MCM9: variants seen among roughly 807,000 people sequenced by gnomAD.
The protein encoded by MCM9 is DNA helicase MCM9.
Under a neutral mutation model 72.8 loss-of-function variants are expected in MCM9, and 55 were observed. The ratio of observed to expected loss-of-function variants is 0.76; its 90% CI spans 0.61 to 0.95. The LOEUF is 0.95. Ranked by LOEUF, MCM9 falls within the 40% of genes least tolerant of loss-of-function variation. The pLI is 0.00. For synonymous variants in MCM9, 480 were observed against 503.4 expected, an observed-to-expected ratio of 0.95 and a Z score of 0.62; for missense variants, 1,279 against 1,377.0, an observed-to-expected ratio of 0.93 and a Z score of 1.13.
intron 13 of MCM9, among the ~76,000 whole-genome samples, chr6:118,819,287 A>G (rs1478985636): frequency 2.0e-5 from 3 of 152,162 alleles, no homozygotes; most frequent in Non-Finnish European, 4.4e-5. Context: ...ATTTTGAGAT[A>G]CTTTCCATCA....
intron 8 of MCM9, chr6:118,910,983 C>G: frequency 1.0e-6 from 1 of 985,276 alleles, no homozygotes; most frequent in Non-Finnish European, 1.2e-6. Context: ...GGTCTGTTTT[C>G]AGAAGAACAG....
In MCM9 at chr6:118,814,725, T is replaced by C. The variant is rs945465917; in HGVS notation, c.*99A>G. The stretch of plus-strand genomic sequence containing the variant: ...CCAGTATTCAGAGTGATCCTCAATA[T>C]GGCCAATTGTTCTATACATTTATAA... On this transcript the variant is annotated 3_prime_UTR_variant, in exon 14 of 14. Transcript: ENST00000619706. The C allele has an allele frequency of 1.7e-5, 20 of 1,179,990 alleles. No homozygotes were observed. The highest frequency in any genetic ancestry group is 2.0e-5 in the Non-Finnish European group (17 of 866,032). 73.1% of individuals were successfully genotyped at this position (1,179,990 alleles called of 1,614,324 possible). A position where few individuals can be genotyped will look rare whatever the true frequency, so the allele number is the denominator to read the frequency against.
intron 5 of MCM9, chr6:118,920,110 AT>A (rs1781313621): frequency 6.6e-6 from 1 of 152,232 alleles, no homozygotes; most frequent in African/African-American, 2.4e-5. Flanking sequence ...AAAAGATCTT[AT>A]TCTCAATTGA....
intron 8 of MCM9, among the ~76,000 whole-genome samples, chr6:118,874,160 T>G (rs568332075): frequency 9.2e-5 from 14 of 152,036 alleles, no homozygotes; most frequent in African/African-American, 2.9e-4. Flanking sequence ...GAGGCTGAGG[T>G]GGGAGGATCA....
intron 9 of MCM9, among the ~76,000 whole-genome samples, chr6:118,852,131 T>C (rs770019937): frequency 2.0e-5 from 3 of 152,150 alleles, no homozygotes; most frequent in Non-Finnish European, 4.4e-5. Flanking sequence ...CTGAATACCA[T>C]AGGCAACTGT....
At chr6:118,928,682 C>CA (rs541206060) in intron 3 of MCM9, among the ~76,000 whole-genome samples, 2,439 of 101,314 alleles carry the variant, frequency 0.024, 28 homozygotes, top group Middle Eastern at 0.094. Flanking sequence ...CCCACCTCTA[C>CA]AAAAAAAAAA....
chr6:118,868,008 T>A (rs1004679191), intron 8 of MCM9, among the ~76,000 whole-genome samples: 33 of 151,460 alleles, frequency 2.2e-4, no homozygotes, highest in Admixed American at 2.6e-4. Flanking sequence ...TCCAGAGTAG[T>A]TGGGACTACA....
At chr6:118,894,908 G>A (rs1337211544) in intron 8 of MCM9, among the ~76,000 whole-genome samples, 1 of 152,116 alleles carries the variant, frequency 6.6e-6, no homozygotes. Flanking sequence ...GCTGGGAAGG[G>A]AGAGGCTGTG....
chr6:118,846,416 T>A (rs1562408424), intron 9 of MCM9, among the ~76,000 whole-genome samples: 2 of 151,836 alleles, frequency 1.3e-5, no homozygotes, highest in Non-Finnish European at 2.9e-5. Flanking sequence ...GGGGGCCTCA[T>A]GCTGGAGAAC....
At position 118,923,891 on chromosome 6, in the gene MCM9, A is replaced by C. The variant is rs1387883580; in HGVS notation, c.541T>G (p.Ser181Ala). The C allele has an allele frequency of 1.2e-6, 2 of 1,614,238 alleles. No homozygotes were observed. The highest frequency in any genetic ancestry group is 8.5e-7 in the Non-Finnish European group (1 of 1,180,032). ...AAGCCTGAGAGGCAAGTGAATTTAG[A>C]GGAATCACAGCTCTCCAAGCTGGGA... ...SCPSLESCDS[S>A]KFTCLSGLSS... Residue 181 changes from serine to alanine, a missense_variant, in exon 4 of 14, where the codon TCT becomes GCT. Ser to Ala is a moderately conservative substitution (Grantham distance 99). Coordinates refer to ENST00000619706, the MANE Select transcript of MCM9 (RefSeq NM_017696.3).
chr6:118,882,798 C>T (rs1778373647), intron 8 of MCM9, among the ~76,000 whole-genome samples: 1 of 151,860 alleles, frequency 6.6e-6, no homozygotes, highest in Non-Finnish European at 1.5e-5. Context: ...AAGAAATGAA[C>T]CTAGCCAAGT....
rs146666812 is a variant in MCM9, at chr6:118,818,196, C to G, written c.1962-1902G>C. On this transcript the variant is annotated intron_variant, in intron 13 of 13. Transcript: ENST00000619706. Reference sequence around the variant, plus strand: ...GCTTTTGGTATTTTAGTCATGAAGTCTTTGCCCATGCCTATGTCCTGAATG... The same window carrying G: ...GCTTTTGGTATTTTAGTCATGAAGTGTTTGCCCATGCCTATGTCCTGAATG... Among the ~76,000 whole-genome samples, 1,273 of 152,260 alleles carry G rather than the reference C, an allele frequency of 8.4e-3. 7 individuals carry two copies. Among genetic ancestry groups the G allele is most frequent in the Non-Finnish European group, 0.014 (947 of 68,016 alleles).
intron 9 of MCM9, among the ~76,000 whole-genome samples, chr6:118,855,974 A>T (rs867875593): frequency 6.6e-6 from 1 of 152,192 alleles, no homozygotes; most frequent in Admixed American, 6.5e-5. Flanking sequence ...GAGGATTTAT[A>T]AGGAGAATGC....
chr6:118,910,393 T>C (rs1461756376), intron 8 of MCM9, among the ~76,000 whole-genome samples: 2 of 152,168 alleles, frequency 1.3e-5, no homozygotes, highest in East Asian at 3.9e-4. Flanking sequence ...CCTATACTTG[T>C]TCTCTCATAT....
chr6:118,855,095 A>G (rs1235588314), intron 9 of MCM9, among the ~76,000 whole-genome samples: 1 of 152,152 alleles, frequency 6.6e-6, no homozygotes, highest in African/African-American at 2.4e-5. Context: ...TTTTGGTGCA[A>G]TAACTGAACA....
intron 13 of MCM9, among the ~76,000 whole-genome samples, chr6:118,821,916 G>T (rs1172224663): frequency 6.6e-6 from 1 of 152,036 alleles, no homozygotes; most frequent in East Asian, 1.9e-4. Flanking sequence ...TGATTGATTT[G>T]AGTACTGATA....
At chr6:118,932,531 T>C in intron 2 of MCM9, 76 bp downstream of exon 2, 1 of 846,646 alleles carries the variant, frequency 1.2e-6, no homozygotes, top group South Asian at 5.4e-5. Context: ...ACAGTGTCAT[T>C]CTTTCGTGTG....
intron 9 of MCM9, among the ~76,000 whole-genome samples, chr6:118,852,406 CAA>C (rs551904532): frequency 7.2e-6 from 1 of 138,604 alleles, no homozygotes. Context: ...TTCCAACAGA[CAA>C]AAAAAAAAAA....
intron 10 of MCM9, 68 bp from the exon 11 acceptor site, chr6:118,828,198 A>G: frequency 7.8e-7 from 1 of 1,286,792 alleles, no homozygotes; most frequent in South Asian, 1.4e-5. Flanking sequence ...AAGGATTTTT[A>G]TAAAGTTCTG....
Sources: allele counts gnomAD v4.1 joint callset (sites outside exome capture counted in the v4.1 genomes callset), GRCh38; gene constraint gnomAD v4.1.1; transcripts MANE v1.5; gene names NCBI Gene and HGNC (gene_info 2026-07-23, HGNC 2026-07-21).